Variants in LMNTD1 observed in about 807,000 individuals in gnomAD.
The protein encoded by LMNTD1 is lamin tail domain-containing protein 1.
A neutral mutation model predicts 50.9 loss-of-function variants in LMNTD1; 35 were observed. The ratio of observed to expected loss-of-function variants is 0.69; its 90% CI spans 0.53 to 0.91. LMNTD1 has a LOEUF of 0.91. LMNTD1 is among the 40% of genes least tolerant of loss of function. The pLI is 0.00. For synonymous variants in LMNTD1, 153 were observed against 161.9 expected (o/e 0.94, Z 0.42); for missense variants, 470 against 475.5 (o/e 0.99, Z 0.11).
intron 9 of LMNTD1, among the ~76,000 whole-genome samples, chr12:25,496,008 G>A (rs1939050861): frequency 6.6e-6 from 1 of 152,200 alleles, no homozygotes; most frequent in Non-Finnish European, 1.5e-5. Context: ...ATGAATCAGA[G>A]ATATGTAGAT....
At position 25,553,203 on chromosome 12, in the gene LMNTD1, C is replaced by G; in HGVS notation, c.-165G>C. The G allele has an allele frequency of 6.4e-7, 1 of 1,563,724 alleles. No individual in the cohort carries two copies. The highest frequency in any genetic ancestry group is 8.6e-7 in the Non-Finnish European group (1 of 1,158,196). On this transcript the variant is annotated 5_prime_UTR_variant, in exon 1 of 10. Transcript: ENST00000458174. Reference sequence around the variant, plus strand: ...CCTGATCTTGGCTAAGGATGTCGGACAAACCATGGTGCAGGTGTGTAGCAT... The same window carrying G: ...CCTGATCTTGGCTAAGGATGTCGGAGAAACCATGGTGCAGGTGTGTAGCAT...
rs568873696 is a variant in LMNTD1 at position 25,567,546 on chromosome 12, A to T, written c.59-20992T>A. Among the ~76,000 whole-genome samples the T allele has an allele frequency of 2.6e-5, 4 of 152,134 alleles. No homozygotes were observed. The East Asian group carries it at 7.7e-4, about 29-fold the overall frequency. On this transcript the variant is annotated intron_variant, in intron 1 of 7. Coordinates refer to the LMNTD1 transcript ENST00000445693. ...TGAATTGTAATCCCCAGTGTGGATG[A>T]GGGGCCTAGTGGGAGGTGATGGGAT...
intron 4 of LMNTD1, among the ~76,000 whole-genome samples, chr12:25,541,880 A>C (rs1943103721): frequency 6.7e-6 from 1 of 149,792 alleles, no homozygotes; most frequent in Non-Finnish European, 1.5e-5. Context: ...TACAAGAAAA[A>C]AACAAACAAC....
intron 4 of LMNTD1, among the ~76,000 whole-genome samples, chr12:25,536,861 T>C (rs1311548805): frequency 6.6e-6 from 1 of 152,242 alleles, no homozygotes; most frequent in African/African-American, 2.4e-5. Context: ...CGCAGGTCAG[T>C]GGGTGCACGC....
At chr12:25,630,084 G>A (rs2136592613) in intron 1 of LMNTD1, among the ~76,000 whole-genome samples, 1 of 152,270 alleles carries the variant, frequency 6.6e-6, no homozygotes, top group East Asian at 1.9e-4. Flanking sequence ...GGGGGGAGGA[G>A]AAAATGAGGA....
At chr12:25,569,626 A>G (rs2136345366) in intron 1 of LMNTD1, among the ~76,000 whole-genome samples, 1 of 152,278 alleles carries the variant, frequency 6.6e-6, no homozygotes, top group Middle Eastern at 3.4e-3. Flanking sequence ...CTGGATCACA[A>G]AGACAGATCA....
chr12:25,636,020 C>T (rs1282234901), intron 1 of LMNTD1, among the ~76,000 whole-genome samples: 1 of 152,156 alleles, frequency 6.6e-6, no homozygotes. Flanking sequence ...AGACCTGAAA[C>T]TGTAAAAATT....
At chr12:25,523,626 T>C (rs1162026808) in intron 6 of LMNTD1, among the ~76,000 whole-genome samples, 3 of 152,170 alleles carry the variant, frequency 2.0e-5, no homozygotes, top group Non-Finnish European at 4.4e-5. Context: ...TTGCAGATAG[T>C]AATATCCAGT....
intron 8 of LMNTD1, among the ~76,000 whole-genome samples, chr12:25,516,387 A>G (rs930877170): frequency 2.0e-5 from 3 of 152,210 alleles, no homozygotes; most frequent in Non-Finnish European, 2.9e-5. Context: ...CCATCATATT[A>G]TAGAAAAGTG....
intron 8 of LMNTD1, among the ~76,000 whole-genome samples, chr12:25,507,499 C>G (rs1939890961): frequency 6.6e-6 from 1 of 152,204 alleles, no homozygotes. Context: ...ATTTCTCTCT[C>G]ATTTAACAGT....
intron 9 of LMNTD1, among the ~76,000 whole-genome samples, chr12:25,498,523 C>T (rs1011238816): frequency 1.3e-5 from 2 of 152,124 alleles, no homozygotes; most frequent in Admixed American, 6.5e-5. Flanking sequence ...TAATTCCTGA[C>T]ACATATGCTT....
chr12:25,605,410 C>A (rs1215774799), intron 1 of LMNTD1, among the ~76,000 whole-genome samples: 1 of 152,062 alleles, frequency 6.6e-6, no homozygotes, highest in African/African-American at 2.4e-5. Context: ...AACATGAAGT[C>A]CTTGCCCATG....
rs278999 is a variant in LMNTD1, at chr12:25,626,343, C to T, written c.58+22151G>A. Among the ~76,000 whole-genome samples, 441 of 111,996 alleles carry T rather than the reference C, an allele frequency of 3.9e-3. 1 individual carries two copies. Among genetic ancestry groups the T allele is most frequent in the African/African-American group, 0.011 (370 of 33,528 alleles). 73.5% of individuals were successfully genotyped at this position (111,996 alleles called of 152,430 possible). On this transcript the variant is annotated intron_variant, in intron 1 of 7. Coordinates refer to the LMNTD1 transcript ENST00000445693. Reference sequence around the variant, plus strand: ...TGTTGTATGTGTGTATATATATATACACACACACACACATATATATACATA... The same window carrying T: ...TGTTGTATGTGTGTATATATATATATACACACACACACATATATATACATA...
intron 1 of LMNTD1, among the ~76,000 whole-genome samples, chr12:25,622,937 G>C (rs530141458): frequency 7.7e-6 from 1 of 130,704 alleles, no homozygotes; most frequent in Admixed American, 7.3e-5. Flanking sequence ...CTAAACATCT[G>C]TTTTTCTAGC....
chr12:25,620,483 AAAGTATACCTTTTC>A (rs1263333486), intron 1 of LMNTD1, among the ~76,000 whole-genome samples: 5 of 152,154 alleles, frequency 3.3e-5, no homozygotes, highest in African/African-American at 1.2e-4. Flanking sequence ...GAAAGGTGGT[AAAGTATACCTTTTC>A]AATATAAATG....
intron 4 of LMNTD1, 52 bp downstream of exon 4, chr12:25,546,322 T>C (rs574946764): frequency 2.6e-6 from 3 of 1,156,218 alleles, no homozygotes; most frequent in East Asian, 5.3e-5. Context: ...TCTGCTGATT[T>C]ATTGGTCCTA....
chr12:25,621,010 G>A (rs1019845204), intron 1 of LMNTD1, among the ~76,000 whole-genome samples: 3 of 152,128 alleles, frequency 2.0e-5, no homozygotes, highest in South Asian at 2.1e-4. Flanking sequence ...TCAAACCCAG[G>A]TGAACTGACA....
chr12:25,553,342 A>T, upstream of LMNTD1: 1 of 994,622 alleles, frequency 1.0e-6, no homozygotes, highest in African/African-American at 1.7e-5. Flanking sequence ...CTCCATAGTA[A>T]CCAAGTTCCA....
chr12:25,633,340 A>G (rs1946760850), intron 1 of LMNTD1, among the ~76,000 whole-genome samples: 1 of 152,188 alleles, frequency 6.6e-6, no homozygotes, highest in South Asian at 2.1e-4. Context: ...ACAGATATAT[A>G]TAGAACATTT....
Sources: allele counts gnomAD v4.1 joint callset (sites outside exome capture counted in the v4.1 genomes callset), GRCh38; gene constraint gnomAD v4.1.1; transcripts MANE v1.5; gene names NCBI Gene and HGNC (gene_info 2026-07-23, HGNC 2026-07-21).